The following OGFOD2 variants were observed in gnomAD, a reference collection of about 807,000 sequenced individuals.
OGFOD2 encodes the protein 2-oxoglutarate and iron-dependent oxygenase domain-containing protein 2.
Under a neutral mutation model 31.1 loss-of-function variants are expected in OGFOD2, and 34 were observed. The observed-to-expected ratio is 1.09, with a 90% confidence interval of 0.83 to 1.45. OGFOD2 has a LOEUF of 1.45. Ranked by LOEUF, OGFOD2 falls within the 40% of genes most tolerant of loss-of-function variation. OGFOD2 has a pLI of 0.00. For missense variants in OGFOD2, 537 were observed against 433.9 expected, an observed-to-expected ratio of 1.24 and a Z score of -2.11; for synonymous variants, 240 against 192.3, an observed-to-expected ratio of 1.25 and a Z score of -2.05.
At chr12:122,978,247 A>G (rs2037490533) in intron 4 of OGFOD2, 195 bp from the exon 5 acceptor site, 4 of 614,940 alleles carry the variant, frequency 6.5e-6, no homozygotes, top group African/African-American at 1.9e-5. Flanking sequence ...GTCTGGGGAA[A>G]GGTTCCGGGC....
exon 7 of OGFOD2, chr12:122,979,605 T>C: frequency 1.9e-6 from 1 of 521,530 alleles, no homozygotes; most frequent in South Asian, 2.6e-5. Context: ...TCAGAGGACG[T>C]CCAGCCTCAG....
intron 2 of OGFOD2, 103 bp downstream of exon 2, chr12:122,975,970 C>A: frequency 3.0e-6 from 2 of 665,092 alleles, no homozygotes; most frequent in South Asian, 1.5e-5. Context: ...CCTGAAGGGT[C>A]ACTTAGGCCC....
intron 4 of OGFOD2, 162 bp downstream of exon 4, chr12:122,977,132 C>T (rs1166833333): frequency 1.4e-6 from 1 of 699,422 alleles, no homozygotes; most frequent in African/African-American, 1.7e-5. Flanking sequence ...AGCAGGACAT[C>T]CGCATTCATT....
Position 122,979,157 on chromosome 12 carries a change from G to A in OGFOD2, c.864G>A (p.Gln288=), listed in dbSNP as rs756945528. 2.5e-5 allele frequency: 40 copies of A among 1,610,138 alleles called. No individual in the cohort carries two copies. In the Admixed American group the frequency reaches 6.7e-4, roughly 27 times the overall value. The change falls in exon 7 of 7, where the codon CAG becomes CAA. Residue 288 remains glutamine, a synonymous_variant. Transcript: ENST00000228922. Reference sequence around the variant, plus strand: ...AGGGTGTCCTCCACCGTGGCGGCCAGCTGCATGGAGCCCGGCCCTTGGGCA... The same window carrying A: ...AGGGTGTCCTCCACCGTGGCGGCCAACTGCATGGAGCCCGGCCCTTGGGCA...
intron 2 of OGFOD2, chr12:122,976,244 A>G: frequency 1.3e-6 from 1 of 751,252 alleles, no homozygotes; most frequent in Non-Finnish European, 2.3e-6. Flanking sequence ...CTTACCATAT[A>G]CCCCGCAGGC....
chr12:122,979,450 A>G (rs1347457692), exon 7 of OGFOD2: 8 of 1,368,456 alleles, frequency 5.8e-6, no homozygotes, highest in African/African-American at 1.5e-5. Context: ...TTCTTGGCTC[A>G]ACGGTGTGCC....
chr12:122,978,518 C>T (rs759838024), exon 5 of OGFOD2: 22 of 1,613,380 alleles, frequency 1.4e-5, no homozygotes, highest in African/African-American at 5.3e-5. Flanking sequence ...TGGAGCACTT[C>T]GAGCAATCGG....
intron 5 of OGFOD2, 90 bp from the exon 6 acceptor site, chr12:122,978,663 G>A (rs2037506513): frequency 5.7e-6 from 9 of 1,586,742 alleles, no homozygotes; most frequent in South Asian, 4.5e-5. Flanking sequence ...CCCGGGCTGC[G>A]AAAGAAGGTC....
chr12:122,976,786 G>T lies in OGFOD2; in HGVS notation c.303+19G>T. 2 of 1,608,594 alleles carry T rather than the reference G, an allele frequency of 1.2e-6. No homozygotes were observed. Among genetic ancestry groups the T allele is most frequent in the Non-Finnish European group, 1.7e-6 (2 of 1,175,744 alleles). Reference sequence around the variant, plus strand: ...ACTGCAGGTACCAGCCAGCCAGAGTGCTTGAAGGCCGGTACTGGAAAGAGG... The same window carrying T: ...ACTGCAGGTACCAGCCAGCCAGAGTTCTTGAAGGCCGGTACTGGAAAGAGG... On this transcript the variant is annotated intron_variant, in intron 3 of 6. Coordinates refer to ENST00000228922, the Ensembl canonical transcript of OGFOD2.
intron 4 of OGFOD2, chr12:122,977,299 G>C: frequency 2.7e-6 from 1 of 377,312 alleles, no homozygotes; most frequent in Non-Finnish European, 5.2e-6. Context: ...ATTGAGACAG[G>C]TATGGGCAGG....
At chr12:122,976,402 G>A (rs765417879) in intron 2 of OGFOD2, 3 of 1,613,752 alleles carry the variant, frequency 1.9e-6, no homozygotes, top group Non-Finnish European at 2.5e-6. Flanking sequence ...GATGGTTGAG[G>A]TACATCTAGG....
chr12:122,978,288 C>T (rs1301364189), intron 4 of OGFOD2, 154 bp from the exon 5 acceptor site: 1 of 908,314 alleles, frequency 1.1e-6, no homozygotes, highest in Non-Finnish European at 1.6e-6. Context: ...TCGGCCTCCC[C>T]TGCTCCTCAT....
At chr12:122,976,064 C>G in intron 2 of OGFOD2, 197 bp downstream of exon 2, 1 of 599,186 alleles carries the variant, frequency 1.7e-6, no homozygotes, top group Admixed American at 2.8e-5. Context: ...TGCTAAGTTG[C>G]TAAGTTGCCT....
At position 122,979,077 on chromosome 12, in the gene OGFOD2, C is replaced by G; in HGVS notation, c.790-6C>G. On this transcript the variant is annotated splice_polypyrimidine_tract_variant and splice_region_variant and intron_variant, in intron 6 of 6. Coordinates refer to ENST00000228922, the Ensembl canonical transcript of OGFOD2. ...AGTGCCCAGGCCTGAGTCGTGCCAT[C>G]TGCAGGCACCCACAGCCCTGACGGA... 6.3e-7 allele frequency: 1 copy of G among 1,597,056 alleles called. No homozygotes were observed. The highest frequency in any genetic ancestry group is 1.7e-4 in the Middle Eastern group (1 of 5,994).
At chr12:122,975,420 A>C in intron 1 of OGFOD2, 37 bp downstream of exon 1, 1 of 664,284 alleles carries the variant, frequency 1.5e-6, no homozygotes, top group East Asian at 2.7e-5. Context: ...AGCAGTGGGC[A>C]GAGAGGGGTA....
chr12:122,979,423 C>T lies in OGFOD2; in HGVS notation c.*77C>T. The T allele has an allele frequency of 8.1e-6, 12 of 1,484,126 alleles. No homozygotes were observed. In the South Asian group the frequency reaches 1.2e-4, roughly 14 times the overall value. The allele number at this position is 1,484,126 out of a possible 1,614,324, so 91.9% of individuals were successfully genotyped here. On this transcript the variant is annotated 3_prime_UTR_variant, in exon 7 of 7. Transcript: ENST00000228922. ...TTGGTCTGGGGGCAGAAATAAAATC[C>T]CCGCAGCCTACTGCACTTCTTGGCT...
exon 7 of OGFOD2, chr12:122,979,980 A>G (rs1271091812): frequency 2.6e-6 from 1 of 391,162 alleles, no homozygotes; most frequent in Non-Finnish European, 4.5e-6. Flanking sequence ...CTCATTTAGC[A>G]CCTACCTCCT....
chr12:122,976,413 G>A, intron 2 of OGFOD2: 1 of 1,613,694 alleles, frequency 6.2e-7, no homozygotes, highest in Non-Finnish European at 8.5e-7. Flanking sequence ...TACATCTAGG[G>A]GTTCTCATCC....
chr12:122,979,284 G>T (rs2037544141), exon 7 of OGFOD2: 1 of 1,612,924 alleles, frequency 6.2e-7, no homozygotes. Flanking sequence ...GGACGATGAG[G>T]GCTTCGGTGA....
Sources: gnomAD v4.1 joint callset for allele counts on GRCh38, gnomAD v4.1.1 for gene constraint, MANE v1.5 for transcripts, NCBI Gene and HGNC (gene_info 2026-07-23, HGNC 2026-07-21) for gene names.